USP16: variants seen among roughly 807,000 people sequenced by gnomAD.
USP16 encodes ubiquitin carboxyl-terminal hydrolase 16.
Under a neutral mutation model 95.9 loss-of-function variants are expected in USP16, and 77 were observed. The observed-to-expected ratio is 0.80, with a 90% CI of 0.67 to 0.97. The LOEUF (loss-of-function observed/expected upper bound fraction) is 0.97, where lower values mean the gene tolerates loss of function less well. Ranked by LOEUF, USP16 falls within the 50% of genes least tolerant of loss-of-function variation. USP16 has a pLI of 0.00. For missense variants in USP16, 943 were observed against 959.9 expected, an observed-to-expected ratio of 0.98 and a Z score of 0.23; for synonymous variants, 303 against 318.2, an observed-to-expected ratio of 0.95 and a Z score of 0.51.
chr21:29,054,420 T>A lies in USP16; in HGVS notation c.*233T>A. On this transcript the variant is annotated 3_prime_UTR_variant, in exon 18 of 18. Coordinates refer to ENST00000399976, the MANE Select transcript of USP16 (RefSeq NM_006447.3). Reference sequence around the variant, plus strand: ...TCTGGAAAGGAAATCCTGAATTACTTAAGTACTTTGTGTTTAATATATCTG... The same window carrying A: ...TCTGGAAAGGAAATCCTGAATTACTAAAGTACTTTGTGTTTAATATATCTG... The A allele has an allele frequency of 1.9e-6, 1 of 529,126 alleles. No homozygotes were observed. Among genetic ancestry groups the A allele is most frequent in the Non-Finnish European group, 3.2e-6 (1 of 309,766 alleles). The allele number at this position is 529,126 out of a possible 1,614,324, so 32.8% of individuals were successfully genotyped here.
intron 7 of USP16, 69 bp from the exon 8 acceptor site, chr21:29,038,957 A>G: frequency 5.7e-6 from 8 of 1,403,936 alleles, no homozygotes; most frequent in Non-Finnish European, 7.5e-6. Context: ...ATGTTAACTA[A>G]TTAGATTTTA....
intron 15 of USP16, 34 bp downstream of exon 15, chr21:29,048,889 T>C (rs200819693): frequency 1.4e-6 from 2 of 1,481,396 alleles, no homozygotes; most frequent in Non-Finnish European, 1.9e-6. Flanking sequence ...GTTTTAAATA[T>C]GTAACACCTA....
At chr21:29,029,742 T>C (rs2085050828) in intron 2 of USP16, among the ~76,000 whole-genome samples, 1 of 152,224 alleles carries the variant, frequency 6.6e-6, no homozygotes, top group Non-Finnish European at 1.5e-5. Flanking sequence ...CATGTTTTTG[T>C]TCTTGGCATG....
At chr21:29,045,086 A>G (rs1287172224) in intron 13 of USP16, among the ~76,000 whole-genome samples, 4 of 152,186 alleles carry the variant, frequency 2.6e-5, no homozygotes, top group Admixed American at 2.6e-4. Context: ...ATTTATTTTA[A>G]TATAAATTAG....
intron 15 of USP16, 140 bp from the exon 16 acceptor site, chr21:29,049,952 C>G (rs2085388667): frequency 1.4e-6 from 1 of 707,578 alleles, no homozygotes; most frequent in Non-Finnish European, 2.3e-6. Flanking sequence ...AGTTAGTGTT[C>G]AGGAAGAATT....
At chr21:29,050,207 G>A in intron 16 of USP16, 29 bp downstream of exon 16, 1 of 1,598,576 alleles carries the variant, frequency 6.3e-7, no homozygotes, top group African/African-American at 1.3e-5. Flanking sequence ...TTTCAGGAAA[G>A]TCCTTTAAAG....
At chr21:29,053,720 T>G in intron 16 of USP16, 82 bp from the exon 17 acceptor site, 1 of 1,416,790 alleles carries the variant, frequency 7.1e-7, no homozygotes, top group Non-Finnish European at 9.7e-7. Context: ...AAAGACCCTT[T>G]GCATAGTGTA....
chr21:29,028,669 C>G (rs776225503), intron 2 of USP16, among the ~76,000 whole-genome samples: 2 of 152,192 alleles, frequency 1.3e-5, no homozygotes, highest in Non-Finnish European at 2.9e-5. Context: ...CTCCTGACCT[C>G]AAGTGATCCG....
In USP16 at chr21:29,042,620, A is replaced by G. The variant is rs563548919; in HGVS notation, c.1179+92A>G. 8.1e-5 allele frequency: 91 copies of G among 1,119,668 alleles called. No homozygotes were observed. In the African/African-American group the frequency reaches 1.3e-3, roughly 17 times the overall value. 69.4% of individuals were successfully genotyped at this position (1,119,668 alleles called of 1,614,324 possible). A position where few individuals can be genotyped will look rare whatever the true frequency, so the allele number is the denominator to read the frequency against. On this transcript the variant is annotated intron_variant, in intron 12 of 17. Coordinates refer to ENST00000399976, the MANE Select transcript of USP16 (RefSeq NM_006447.3). ...CTTGTTACTCTTTTTAAGTTTGTAT[A>G]TTACTAGCCCATGCAGAAATTTTTC...
chr21:29,045,564 G>T (rs528819292), intron 13 of USP16, among the ~76,000 whole-genome samples: 144 of 145,172 alleles, frequency 9.9e-4, no homozygotes, highest in Non-Finnish European at 1.8e-3. Flanking sequence ...CTTTCAGTTT[G>T]TTTTTTTTTT....
At chr21:29,034,393 A>G (rs1222975059) in intron 3 of USP16, among the ~76,000 whole-genome samples, 1 of 151,242 alleles carries the variant, frequency 6.6e-6, no homozygotes, top group African/African-American at 2.4e-5. Context: ...GCTCACTGCA[A>G]CCTCCGCCTC....
chr21:29,030,854 G>C (rs1420134195), intron 3 of USP16, 81 bp downstream of exon 3: 2 of 1,458,842 alleles, frequency 1.4e-6, no homozygotes, highest in Non-Finnish European at 1.8e-6. Flanking sequence ...TGAAAGTACA[G>C]TATGGATAAA....
chr21:29,026,537 CTTTTTTTTTT>C (rs60837311), intron 1 of USP16: 3 of 32,458 alleles, frequency 9.2e-5, no homozygotes, highest in Non-Finnish European at 1.7e-4. Flanking sequence ...TGCATTTTAC[CTTTTTTTTTT>C]TTTTTTTTTT....
At position 29,040,652 on chromosome 21, in the gene USP16, A is replaced by G; in HGVS notation, c.995A>G (p.Glu332Gly). Reference sequence around the variant, plus strand: ...CTTAAAGCATTTGGTAATTCTACTGAAAAGTTGGATGAAGAACTAAAAAAT... The same window carrying G: ...CTTAAAGCATTTGGTAATTCTACTGGAAAGTTGGATGAAGAACTAAAAAAT... Reference protein sequence around the residue: ...GILKAFGNSTEKLDEELKNKV... With the variant: ...GILKAFGNSTGKLDEELKNKV... Residue 332 changes from glutamate (E) to glycine (G), a missense_variant, in exon 10 of 18, where the codon GAA becomes GGA. Coordinates refer to ENST00000399976, the MANE Select transcript of USP16 (RefSeq NM_006447.3). 6.5e-7 allele frequency: 1 copy of G among 1,548,742 alleles called. No individual in the cohort carries two copies. The highest frequency in any genetic ancestry group is 8.8e-7 in the Non-Finnish European group (1 of 1,131,114).
intron 3 of USP16, among the ~76,000 whole-genome samples, chr21:29,033,857 C>T (rs1174559185): frequency 6.6e-6 from 1 of 152,154 alleles, no homozygotes; most frequent in East Asian, 1.9e-4. Flanking sequence ...GTATAGGCTT[C>T]TGGGAGGAGG....
chr21:29,037,196 C>A (rs1348795400), intron 5 of USP16, 80 bp from the exon 6 acceptor site: 8 of 925,152 alleles, frequency 8.6e-6, no homozygotes, highest in Non-Finnish European at 1.2e-5. Context: ...CTCACAAACT[C>A]TAGTACTGTT....
intron 9 of USP16, 131 bp downstream of exon 9, chr21:29,039,699 C>G (rs1030529732): frequency 1.3e-6 from 1 of 756,750 alleles, no homozygotes; most frequent in Non-Finnish European, 2.0e-6. Flanking sequence ...TTTTCTTACA[C>G]CAGCTTTTTC....
Position 29,042,458 on chromosome 21 carries a change from T to C in USP16, c.1123-14T>C, listed in dbSNP as rs2085258722. On this transcript the variant is annotated splice_polypyrimidine_tract_variant and intron_variant, in intron 11 of 17. Coordinates refer to ENST00000399976, the MANE Select transcript of USP16 (RefSeq NM_006447.3). ...GTATTTACATTTTTACACTGTCTTTTCTGATTGGTTAAGGTCTCCTTGGTT... is the reference window on the plus strand; with the variant it reads ...GTATTTACATTTTTACACTGTCTTTCCTGATTGGTTAAGGTCTCCTTGGTT... The C allele has an allele frequency of 6.2e-7, 1 of 1,601,438 alleles. No homozygotes were observed. The highest frequency in any genetic ancestry group is 1.4e-5 in the African/African-American group (1 of 73,982).
At position 29,035,003 on chromosome 21, in the gene USP16, T is replaced by A. The variant is rs527640450; in HGVS notation, c.344+63T>A. ...TTTGAAATATTAGAGAATGGAAATG[T>A]TTAAATATGTTTAAGAAGAAAGCAA... is the stretch of plus-strand genomic sequence containing the variant. On this transcript the variant is annotated intron_variant, in intron 4 of 17. Transcript: ENST00000399976. 2.0e-5 allele frequency: 29 copies of A among 1,451,934 alleles called. 1 individual carries two copies. In the African/African-American group the frequency reaches 3.4e-4, roughly 17 times the overall value. 89.9% of individuals were successfully genotyped at this position (1,451,934 alleles called of 1,614,324 possible).
Sources: allele counts gnomAD v4.1 joint callset (sites outside exome capture counted in the v4.1 genomes callset), GRCh38; gene constraint gnomAD v4.1.1; transcripts MANE v1.5; gene names NCBI Gene and HGNC (gene_info 2026-07-23, HGNC 2026-07-21).